CT55: variants seen among roughly 807,000 people sequenced by gnomAD.
CT55 encodes BRCA2-interacting protein.
A neutral mutation model predicts 12.6 loss-of-function variants in CT55; 1 was observed. That is an observed-to-expected ratio of 0.08 (90% confidence interval 0.03 to 0.38). CT55 has a LOEUF of 0.38. Among genes scored for constraint, CT55 ranks in the 10% least tolerant of loss-of-function variants. CT55 has a pLI of 0.99. For missense variants in CT55, 109 were observed against 135.4 expected, an observed-to-expected ratio of 0.80 and a Z score of 0.97; for synonymous variants, 43 against 49.7, an observed-to-expected ratio of 0.87 and a Z score of 0.57.
At chrX:135,167,476 G>A (rs1238935297) in intron 2 of CT55, among the ~76,000 whole-genome samples, 1 of 111,496 alleles carries the variant, frequency 9.0e-6, no homozygotes, top group Non-Finnish European at 1.9e-5. Flanking sequence ...TTAAAATGAA[G>A]ACCCAAAGCT....
At chrX:135,170,585 T>C (rs1182072744) in intron 1 of CT55, among the ~76,000 whole-genome samples, 1 of 106,824 alleles carries the variant, frequency 9.4e-6, no homozygotes, top group African/African-American at 3.4e-5. Flanking sequence ...CTTCTTCTTC[T>C]TTTTTTTTTA....
intron 1 of CT55, among the ~76,000 whole-genome samples, chrX:135,170,008 A>G (rs1290908514): frequency 1.3e-4 from 15 of 111,731 alleles, no homozygotes; most frequent in Non-Finnish European, 1.9e-5. Context: ...TTAATTTTTA[A>G]TTATTTTTTA....
chrX:135,158,455 CA>C, intron 3 of CT55, 144 bp from the exon 4 acceptor site: 1 of 410,656 alleles, frequency 2.4e-6, no homozygotes, highest in Non-Finnish European at 4.2e-6. Flanking sequence ...ACAGACACTA[CA>C]AATCTCTAAG....
chrX:135,163,488 G>A (rs1484144041), intron 2 of CT55, among the ~76,000 whole-genome samples: 1 of 111,576 alleles, frequency 9.0e-6, no homozygotes, highest in Non-Finnish European at 1.9e-5. Flanking sequence ...CTTGGAGACA[G>A]GTTCATTGAA....
chrX:135,167,279 C>T (rs1457142087), intron 2 of CT55, among the ~76,000 whole-genome samples: 1 of 111,374 alleles, frequency 9.0e-6, no homozygotes, highest in Non-Finnish European at 1.9e-5. Flanking sequence ...ATACAGAGCC[C>T]GGAATTAAAT....
At chrX:135,162,003 G>T in intron 2 of CT55, among the ~76,000 whole-genome samples, 1 of 112,633 alleles carries the variant, frequency 8.9e-6, no homozygotes, top group Non-Finnish European at 1.9e-5. Context: ...ATGTCTCATG[G>T]CTCCCAGCTC....
chrX:135,171,090 C>A lies in CT55; in HGVS notation c.82G>T (p.Gly28Cys). Residue 28 changes from glycine to cysteine, a missense_variant, in exon 1 of 6, where the codon GGC (glycine) becomes TGC (cysteine). By Grantham distance (159) the Gly-to-Cys change is radical. Transcript: ENST00000276241. ...PAERQGPQQQ[G>C]LPQGDTQLTT... ...CACAGAGGAATACCTTGTGGGAGGCCCTGCTGCTGTGGGCCCTGTCGCTCT... is the reference window on the plus strand; with the variant it reads ...CACAGAGGAATACCTTGTGGGAGGCACTGCTGCTGTGGGCCCTGTCGCTCT... 8.3e-7 allele frequency: 1 copy of A among 1,211,367 alleles called. No individual in the cohort carries two copies. The highest frequency in any genetic ancestry group is 1.1e-6 in the Non-Finnish European group (1 of 895,291).
intron 2 of CT55, among the ~76,000 whole-genome samples, chrX:135,168,943 CA>C (rs1484401117): frequency 8.9e-6 from 1 of 111,897 alleles, no homozygotes; most frequent in Non-Finnish European, 1.9e-5. Flanking sequence ...TTAATAATTC[CA>C]AATGAATGAT....
chrX:135,167,933 C>G (rs1299520942), intron 2 of CT55, among the ~76,000 whole-genome samples: 1 of 110,552 alleles, frequency 9.0e-6, no homozygotes, highest in Non-Finnish European at 1.9e-5. Flanking sequence ...ATTAAAAAGA[C>G]AAGATATAAC....
chrX:135,170,019 ATT>A (rs1335776711), intron 1 of CT55, among the ~76,000 whole-genome samples: 1 of 111,480 alleles, frequency 9.0e-6, no homozygotes. Flanking sequence ...TTATTTTTTA[ATT>A]TTTTGAGCAG....
chrX:135,168,510 C>G (rs367679969), intron 2 of CT55, among the ~76,000 whole-genome samples: 2 of 111,391 alleles, frequency 1.8e-5, no homozygotes, highest in Middle Eastern at 4.6e-3. Context: ...ATAGAAGGAA[C>G]CTTTTTTAAC....
chrX:135,159,925 A>AACACAC lies in CT55; in HGVS notation c.424+480_424+485dup, dbSNP rs57481039. Among the ~76,000 whole-genome samples the AACACAC allele has an allele frequency of 1.1e-3, 112 of 105,429 alleles. 1 individual carries two copies. In the East Asian group the frequency reaches 0.017, roughly 16 times the overall value. The allele number at this position is 105,429 out of a possible 115,157, so 91.6% of individuals were successfully genotyped here. A position where few individuals can be genotyped will look rare whatever the true frequency, so the allele number is the denominator to read the frequency against. ...CCGATTACAAAGAGAATTCAACAAC[A>AACACAC]ACACACACACACACACACACACACA... On this transcript the variant is annotated intron_variant, in intron 3 of 5. Transcript: ENST00000276241.
chrX:135,165,849 A>C (rs1340835873), intron 2 of CT55, among the ~76,000 whole-genome samples: 1 of 109,551 alleles, frequency 9.1e-6, no homozygotes, highest in Non-Finnish European at 1.9e-5. Context: ...GGACACATAC[A>C]ACCTACCGAG....
chrX:135,169,453 C>T, intron 2 of CT55, 141 bp downstream of exon 2: 1 of 390,515 alleles, frequency 2.6e-6, no homozygotes, highest in Non-Finnish European at 4.4e-6. Flanking sequence ...GCTACAGCTT[C>T]AGAGGAGGGG....
At chrX:135,160,613 TACATGA>T (rs1302056028) in intron 2 of CT55, 58 bp from the exon 3 acceptor site, 1 of 1,117,243 alleles carries the variant, frequency 9.0e-7, no homozygotes, top group African/African-American at 1.9e-5. Context: ...ACATGGAACT[TACATGA>T]TTAAAAGACT....
At chrX:135,166,603 C>G (rs2083586420) in intron 2 of CT55, among the ~76,000 whole-genome samples, 1 of 111,579 alleles carries the variant, frequency 9.0e-6, no homozygotes, top group African/African-American at 3.3e-5. Flanking sequence ...GAAGTGCTAA[C>G]CAGAGAAATT....
In CT55 at chrX:135,158,330, A is replaced by G; in HGVS notation, c.425-19T>C. 1 of 994,384 alleles carries G rather than the reference A, an allele frequency of 1.0e-6. No homozygotes were observed. The highest frequency in any genetic ancestry group is 1.4e-6 in the Non-Finnish European group (1 of 698,085). The allele number at this position is 994,384 out of a possible 1,213,427, so 81.9% of individuals were successfully genotyped here. ...ACAAAATCTAAAACAGCCATGGAGAAATGTGAGTGTCATGATCTCTTAACT... is the reference window on the plus strand; with the variant it reads ...ACAAAATCTAAAACAGCCATGGAGAGATGTGAGTGTCATGATCTCTTAACT... On this transcript the variant is annotated intron_variant, in intron 3 of 5. Coordinates refer to ENST00000276241, the MANE Select transcript of CT55 (RefSeq NM_001031705.3).
rs782647193 is a variant in CT55 at position 135,171,145 on chromosome X, C to T, written c.27G>A (p.Leu9=). The T allele has an allele frequency of 1.7e-6, 2 of 1,211,634 alleles. No individual in the cohort carries two copies. The highest frequency in any genetic ancestry group is 3.5e-5 in the South Asian group (2 of 56,925). The change falls in exon 1 of 6, where the codon TTG becomes TTA. Residue 9 remains leucine, a synonymous_variant. Coordinates refer to ENST00000276241, the MANE Select transcript of CT55 (RefSeq NM_001031705.3). MLRLLRLA[L]AFYGRTADPA... ...GGTCGGCCGTCCTCCCGTAGAAGGC[C>T]AAAGCAAGTCTCAGAAGCCTGAGCA...
At chrX:135,168,083 A>ACT (rs1556406261) in intron 2 of CT55, among the ~76,000 whole-genome samples, 1 of 112,056 alleles carries the variant, frequency 8.9e-6, no homozygotes, top group Non-Finnish European at 1.9e-5. Flanking sequence ...CATGAATCCC[A>ACT]CTACTGAGCA....
Sources: gnomAD v4.1 joint callset for allele counts (sites outside exome capture counted in the v4.1 genomes callset) on GRCh38, gnomAD v4.1.1 for gene constraint, MANE v1.5 for transcripts, NCBI Gene and HGNC (gene_info 2026-07-23, HGNC 2026-07-21) for gene names.